The following DAB1 variants were observed in gnomAD, a reference collection of about 807,000 sequenced individuals.
DAB1 encodes the protein disabled homolog 1.
DAB1 carries 15 observed loss-of-function variants against 64.6 expected under a neutral mutation model. That is an observed-to-expected ratio of 0.23 (90% CI 0.16 to 0.36). The LOEUF is 0.36. Among genes scored for constraint, DAB1 ranks in the 10% least tolerant of loss-of-function variants. The pLI, the probability that DAB1 is intolerant of heterozygous loss-of-function variation, is 1.00. For missense variants in DAB1, 596 were observed against 706.7 expected (o/e 0.84, Z 1.78); for synonymous variants, 235 against 251.9 (o/e 0.93, Z 0.64).
At chr1:57,885,726 A>G (rs1186379363), upstream of DAB1, among the ~76,000 whole-genome samples, 1 of 152,226 alleles carries the variant, frequency 6.6e-6, no homozygotes, top group Non-Finnish European at 1.5e-5. Flanking sequence ...TGGTGTGGCC[A>G]AAAGCATATG....
At chr1:58,129,822 T>C (rs1407759768) in intron 5 of DAB1, among the ~76,000 whole-genome samples, 3 of 151,780 alleles carry the variant, frequency 2.0e-5, no homozygotes, top group Non-Finnish European at 2.9e-5. Context: ...GTCTGAGAGA[T>C]AGTTTGTTAT....
Position 57,127,909 on chromosome 1 carries a change from AG to A in DAB1, c.306+8633del, listed in dbSNP as rs1657281929. On this transcript the variant is annotated intron_variant, in intron 4 of 14. Transcript: ENST00000371236. ...ACACCTGTAATCCCAGCACTTTGGG[AG>A]GCCAAGGCGGCTGGATCACCTGAGG... 2.6e-5 allele frequency among the ~76,000 whole-genome samples: 4 copies of A among 152,232 alleles called. No homozygotes were observed. The South Asian group carries it at 8.3e-4, about 32-fold the overall frequency.
rs191708555 is a variant in DAB1, at chr1:57,902,786, T to G, written n.388-18624A>C. 1.6e-4 allele frequency among the ~76,000 whole-genome samples: 24 copies of G among 152,322 alleles called. No individual in the cohort carries two copies. The East Asian group carries it at 4.2e-3, about 27-fold the overall frequency. On this transcript the variant is annotated intron_variant and non_coding_transcript_variant, in intron 5 of 20. Coordinates refer to the DAB1 transcript ENST00000485760. The stretch of plus-strand genomic sequence containing the variant: ...TTCCCTGTGTAATCCATCAGTTTTC[T>G]GTGGAGTGCAATTTGAGACTGTATT...
intron 6 of DAB1, among the ~76,000 whole-genome samples, chr1:57,746,259 G>A (rs1425514630): frequency 6.6e-6 from 1 of 152,086 alleles, no homozygotes; most frequent in Non-Finnish European, 1.5e-5. Flanking sequence ...TAGGTCATAG[G>A]AATGCATATC....
intron 2 of DAB1, among the ~76,000 whole-genome samples, chr1:57,190,713 C>T (rs1038892954): frequency 1.3e-5 from 2 of 152,104 alleles, no homozygotes; most frequent in Non-Finnish European, 2.9e-5. Context: ...CAGCATCCCC[C>T]GCACCACCAC....
chr1:57,911,226 A>C (rs1185912416), intron 5 of DAB1, among the ~76,000 whole-genome samples: 2 of 152,212 alleles, frequency 1.3e-5, no homozygotes, highest in African/African-American at 4.8e-5. Flanking sequence ...GACAGGAGAC[A>C]GGTATAAGGA....
intron 1 of DAB1, among the ~76,000 whole-genome samples, chr1:57,329,084 A>C (rs1457712191): frequency 2.0e-5 from 3 of 152,222 alleles, no homozygotes; most frequent in Non-Finnish European, 4.4e-5. Flanking sequence ...TCTATAATTC[A>C]CATGCTACAT....
intron 2 of DAB1, among the ~76,000 whole-genome samples, chr1:57,213,292 A>T (rs1336030337): frequency 1.3e-5 from 2 of 152,180 alleles, no homozygotes; most frequent in Non-Finnish European, 2.9e-5. Context: ...GATTTTTGAC[A>T]ATCTTTTTCT....
At chr1:57,503,087 G>A (rs1644308132) in intron 7 of DAB1, among the ~76,000 whole-genome samples, 1 of 152,130 alleles carries the variant, frequency 6.6e-6, no homozygotes, top group Admixed American at 6.5e-5. Flanking sequence ...ACTTTGGTTG[G>A]CTTGACTCCA....
chr1:57,533,920 G>A (rs565980640), intron 7 of DAB1, among the ~76,000 whole-genome samples: 134 of 152,090 alleles, frequency 8.8e-4, no homozygotes, highest in Non-Finnish European at 1.5e-3. Context: ...TAAAATTAGG[G>A]GAACCAATTC....
intron 6 of DAB1, among the ~76,000 whole-genome samples, chr1:57,777,385 A>C (rs1171016754): frequency 1.0e-5 from 1 of 96,724 alleles, no homozygotes; most frequent in Non-Finnish European, 2.2e-5. Context: ...CATTCAAATA[A>C]TTTTTGTTTT....
At chr1:57,925,741 A>G (rs552016212) in intron 5 of DAB1, among the ~76,000 whole-genome samples, 47 of 152,328 alleles carry the variant, frequency 3.1e-4, no homozygotes, top group Non-Finnish European at 6.3e-4. Flanking sequence ...AGGCTAGACT[A>G]AACACCCTTT....
At chr1:57,546,328 T>G (rs1000899862) in intron 7 of DAB1, among the ~76,000 whole-genome samples, 1 of 152,162 alleles carries the variant, frequency 6.6e-6, no homozygotes, top group East Asian at 1.9e-4. Flanking sequence ...AAGGAGAACA[T>G]GTCTTAACAT....
At chr1:58,400,621 G>A (rs953075915) in intron 3 of DAB1, among the ~76,000 whole-genome samples, 1 of 152,130 alleles carries the variant, frequency 6.6e-6, no homozygotes, top group Non-Finnish European at 1.5e-5. Flanking sequence ...AGCTCAGAGG[G>A]GAAACTGTCA....
chr1:58,338,194 C>G (rs1381141871), intron 4 of DAB1, among the ~76,000 whole-genome samples: 1 of 152,124 alleles, frequency 6.6e-6, no homozygotes, highest in Admixed American at 6.6e-5. Context: ...AAAGCTGTTT[C>G]CTGGGGGCAG....
intron 3 of DAB1, among the ~76,000 whole-genome samples, chr1:58,502,133 C>T (rs981948867): frequency 3.3e-5 from 5 of 152,124 alleles, no homozygotes; most frequent in African/African-American, 1.2e-4. Context: ...AGAAACAATA[C>T]ATTTTTGTGA....
intron 9 of DAB1, among the ~76,000 whole-genome samples, chr1:57,043,121 A>G (rs1283648821): frequency 6.6e-6 from 1 of 152,214 alleles, no homozygotes. Context: ...GAGACCCATC[A>G]GTGGTTCTAG....
At chr1:57,705,334 G>A (rs1326626342) in intron 6 of DAB1, among the ~76,000 whole-genome samples, 1 of 152,056 alleles carries the variant, frequency 6.6e-6, no homozygotes, top group African/African-American at 2.4e-5. Flanking sequence ...GTAAGTTCCT[G>A]TAAGTAGCAT....
chr1:57,341,384 G>T (rs1325248847), intron 1 of DAB1, among the ~76,000 whole-genome samples: 1 of 152,070 alleles, frequency 6.6e-6, no homozygotes, highest in Non-Finnish European at 1.5e-5. Context: ...ACAAATCACA[G>T]GACTCACTTC....
Sources: allele counts gnomAD v4.1 joint callset (sites outside exome capture counted in the v4.1 genomes callset), GRCh38; gene constraint gnomAD v4.1.1; transcripts MANE v1.5; gene names NCBI Gene and HGNC (gene_info 2026-07-23, HGNC 2026-07-21).